ELP3: variants seen among roughly 807,000 people sequenced by gnomAD.
ELP3 encodes the protein elongator acetyltransferase complex subunit 3.
Under a neutral mutation model 74.9 loss-of-function variants are expected in ELP3, and 56 were observed. The ratio of observed to expected loss-of-function variants is 0.75; its 90% CI spans 0.60 to 0.93. The LOEUF (loss-of-function observed/expected upper bound fraction) is 0.93. Among genes scored for constraint, ELP3 ranks in the 40% least tolerant of loss-of-function variants. ELP3 has a pLI of 0.00. For missense variants in ELP3, 573 were observed against 686.5 expected (o/e 0.83, Z 1.85); for synonymous variants, 222 against 239.8 (o/e 0.93, Z 0.68).
At chr8:28,155,005 A>T (rs1585718100) in intron 10 of ELP3, among the ~76,000 whole-genome samples, 1 of 152,200 alleles carries the variant, frequency 6.6e-6, no homozygotes, top group Non-Finnish European at 1.5e-5. Context: ...TTGCTGGAGG[A>T]ATATCTTATT....
At chr8:28,092,392 C>T (rs1420832100), upstream of ELP3, among the ~76,000 whole-genome samples, 1 of 152,156 alleles carries the variant, frequency 6.6e-6, no homozygotes, top group Non-Finnish European at 1.5e-5. Context: ...CCACGCCTGG[C>T]TAATTTTTGT....
At chr8:28,119,887 G>A (rs969182671) in intron 7 of ELP3, among the ~76,000 whole-genome samples, 2 of 151,874 alleles carry the variant, frequency 1.3e-5, no homozygotes, top group Non-Finnish European at 2.9e-5. Flanking sequence ...CTCTCACTGA[G>A]CATAGTATTT....
At chr8:28,181,696 C>A (rs1181630244) in intron 14 of ELP3, among the ~76,000 whole-genome samples, 4 of 152,224 alleles carry the variant, frequency 2.6e-5, no homozygotes, top group Non-Finnish European at 4.4e-5. Context: ...AGTGGGCCTA[C>A]CCCATCACAT....
chr8:28,127,086 G>T (rs544020304), intron 7 of ELP3, among the ~76,000 whole-genome samples: 1 of 151,916 alleles, frequency 6.6e-6, no homozygotes, highest in African/African-American at 2.4e-5. Flanking sequence ...GACATTTCCC[G>T]CCTGAGGAAA....
intron 14 of ELP3, among the ~76,000 whole-genome samples, chr8:28,181,052 A>C (rs1380329802): frequency 1.3e-5 from 2 of 152,094 alleles, no homozygotes; most frequent in Non-Finnish European, 2.9e-5. Flanking sequence ...TTCCTAGATC[A>C]AACACTTCTA....
At chr8:28,164,605 A>T (rs1025107821) in intron 14 of ELP3, among the ~76,000 whole-genome samples, 3 of 152,100 alleles carry the variant, frequency 2.0e-5, no homozygotes, top group Admixed American at 2.0e-4. Context: ...TCTATAGGGG[A>T]AACTACGTAC....
At chr8:28,163,361 G>A (rs976305590) in intron 14 of ELP3, among the ~76,000 whole-genome samples, 1 of 152,070 alleles carries the variant, frequency 6.6e-6, no homozygotes, top group Admixed American at 6.5e-5. Flanking sequence ...AATGAAAGTT[G>A]AAATGAGGTT....
chr8:28,151,802 G>A (rs888561521), intron 10 of ELP3, among the ~76,000 whole-genome samples: 4 of 152,186 alleles, frequency 2.6e-5, no homozygotes, highest in South Asian at 4.1e-4. Context: ...GAAAAGCAGT[G>A]CTAGGTCATG....
chr8:28,172,130 C>T lies in ELP3; in HGVS notation c.1567+10052C>T, dbSNP rs1012947968. Among the ~76,000 whole-genome samples, 24 of 151,900 alleles carry T rather than the reference C, an allele frequency of 1.6e-4. No individual in the cohort carries two copies. The East Asian group carries it at 4.0e-3, about 26-fold the overall frequency. On this transcript the variant is annotated intron_variant, in intron 14 of 14. Coordinates refer to ENST00000256398, the MANE Select transcript of ELP3 (RefSeq NM_018091.6). ...TTTTCAAGATTGTTTTTGGCGATCC[C>T]GGGTTCCTTCAAATTCCATATGATT...
chr8:28,187,809 T>C (rs960936193), intron 14 of ELP3, among the ~76,000 whole-genome samples: 1 of 152,032 alleles, frequency 6.6e-6, no homozygotes, highest in African/African-American at 2.4e-5. Context: ...TGCTACACCT[T>C]CCATGCAATT....
chr8:28,111,274 G>A (rs1189538354), intron 6 of ELP3, among the ~76,000 whole-genome samples: 1 of 152,160 alleles, frequency 6.6e-6, no homozygotes, highest in African/African-American at 2.4e-5. Context: ...TTATACCTCA[G>A]TATGGTTGAC....
chr8:28,108,014 A>G (rs762729728), intron 5 of ELP3, 38 bp downstream of exon 5: 22 of 1,552,950 alleles, frequency 1.4e-5, no homozygotes, highest in Non-Finnish European at 1.8e-5. Flanking sequence ...GAAATGTTGC[A>G]TCATGCTTTA....
intron 10 of ELP3, among the ~76,000 whole-genome samples, chr8:28,141,882 A>G (rs1253794262): frequency 6.6e-6 from 1 of 152,224 alleles, no homozygotes; most frequent in Non-Finnish European, 1.5e-5. Context: ...AACAGATAGC[A>G]CAAAATAGTT....
intron 3 of ELP3, among the ~76,000 whole-genome samples, chr8:28,103,570 C>T (rs779102237): frequency 2.0e-5 from 3 of 152,206 alleles, no homozygotes; most frequent in Non-Finnish European, 2.9e-5. Flanking sequence ...TCAACAAGTG[C>T]AACTGGTAGA....
intron 14 of ELP3, among the ~76,000 whole-genome samples, chr8:28,188,679 T>C (rs10104987): frequency 1 from 151,757 of 152,366 alleles, 75,577 homozygotes; most frequent in Middle Eastern, 1. Context: ...CAGTGTGCCT[T>C]TTCACCTGGC....
chr8:28,139,731 G>A (rs1813149902), intron 10 of ELP3, among the ~76,000 whole-genome samples: 1 of 152,150 alleles, frequency 6.6e-6, no homozygotes, highest in Admixed American at 6.5e-5. Context: ...GATTACCTGA[G>A]GTCAGGAGTT....
intron 7 of ELP3, among the ~76,000 whole-genome samples, chr8:28,118,299 T>C (rs1812217746): frequency 6.6e-6 from 1 of 152,230 alleles, no homozygotes; most frequent in Non-Finnish European, 1.5e-5. Flanking sequence ...TGTTTTCATA[T>C]GTTGAACCTG....
In ELP3 at chr8:28,160,367, G is replaced by A. The variant is rs552066197; in HGVS notation, c.1396G>A (p.Gly466Ser). ...CSEETFRFEL[G>S]GGVSIVRELH... ...AGAAGAAACTTTCCGTTTCGAATTG[G>A]GTGGAGGTGTCTCCATAGTACGAGA... is the stretch of plus-strand genomic sequence containing the variant. The change falls in exon 13 of 15, where the codon GGT becomes AGT. Residue 466 changes from glycine (G) to serine (S), a missense_variant. By Grantham distance (56) the Gly-to-Ser change is moderately conservative (BLOSUM62 0). Transcript: ENST00000256398. 3 of 1,614,030 alleles carry A rather than the reference G, an allele frequency of 1.9e-6. No homozygotes were observed. Among genetic ancestry groups the A allele is most frequent in the African/African-American group, 2.7e-5 (2 of 74,910 alleles).
At chr8:28,142,127 G>A (rs185480355) in intron 10 of ELP3, among the ~76,000 whole-genome samples, 1 of 152,282 alleles carries the variant, frequency 6.6e-6, no homozygotes, top group Admixed American at 6.5e-5. Context: ...ATAAGGACTT[G>A]AAGAAAACAA....
Sources: gnomAD v4.1 joint callset for allele counts (sites outside exome capture counted in the v4.1 genomes callset) on GRCh38, gnomAD v4.1.1 for gene constraint, MANE v1.5 for transcripts, NCBI Gene and HGNC (gene_info 2026-07-23, HGNC 2026-07-21) for gene names.